The following CLNK variants were observed in gnomAD, a reference collection of about 807,000 sequenced individuals.
CLNK encodes the protein cytokine-dependent hematopoietic cell linker.
Under a neutral mutation model 68.6 loss-of-function variants are expected in CLNK, and 74 were observed. That is an observed-to-expected ratio of 1.08 (90% CI 0.89 to 1.31). The LOEUF (loss-of-function observed/expected upper bound fraction) is 1.31, where lower values mean the gene tolerates loss of function less well. CLNK is among the 50% of genes most tolerant of loss of function. The probability of loss-of-function intolerance (pLI) is 0.00; values close to 1 mark genes in which losing one functional copy is unlikely to be tolerated. For synonymous variants in CLNK, 198 were observed against 172.2 expected (o/e 1.15, Z -1.17); for missense variants, 553 against 515.3 (o/e 1.07, Z -0.71).
intron 1 of CLNK, among the ~76,000 whole-genome samples, chr4:10,683,657 G>C (rs1725170691): frequency 6.6e-6 from 1 of 152,204 alleles, no homozygotes; most frequent in South Asian, 2.1e-4. Context: ...AATGCCAGTT[G>C]CCATTCCTAC....
At chr4:10,703,891 G>A in the CLNK span, among the ~76,000 whole-genome samples, 3 of 152,170 alleles carry the variant, frequency 2.0e-5, no homozygotes, top group Non-Finnish European at 4.4e-5. Context: ...TGTATATGCA[G>A]TCTGTTGTTG....
chr4:10,655,637 A>AT (rs869196104), intron 2 of CLNK, among the ~76,000 whole-genome samples: 2,014 of 74,784 alleles, frequency 0.027, 171 homozygotes, highest in African/African-American at 0.06. Context: ...GATAGATAGC[A>AT]TTTTTTTTTT....
intron 3 of CLNK, among the ~76,000 whole-genome samples, chr4:10,593,469 A>G (rs1317917830): frequency 6.6e-6 from 1 of 152,128 alleles, no homozygotes; most frequent in Non-Finnish European, 1.5e-5. Context: ...AGCCTGGCTA[A>G]TATGGCGAAA....
intron 2 of CLNK, among the ~76,000 whole-genome samples, chr4:10,603,589 A>G (rs1721673475): frequency 2.6e-5 from 4 of 152,198 alleles, no homozygotes; most frequent in Admixed American, 2.6e-4. Context: ...CCTGGCACCA[A>G]CCCCTGTGGA....
chr4:10,733,281 A>G, the CLNK span, among the ~76,000 whole-genome samples: 1 of 150,364 alleles, frequency 6.7e-6, no homozygotes, highest in African/African-American at 2.4e-5. Flanking sequence ...TAGTCACCAA[A>G]CTCTTCAAGT....
intron 3 of CLNK, among the ~76,000 whole-genome samples, chr4:10,588,859 C>G (rs774616023): frequency 6.6e-6 from 1 of 151,670 alleles, no homozygotes; most frequent in Non-Finnish European, 1.5e-5. Context: ...ATTGTATATA[C>G]TACATACAAT....
chr4:10,502,646 T>G (rs538895816), intron 17 of CLNK, among the ~76,000 whole-genome samples: 12 of 152,052 alleles, frequency 7.9e-5, no homozygotes, highest in African/African-American at 2.9e-4. Context: ...AAAAAACTTT[T>G]ACCTAATAAA....
chr4:10,536,848 A>G (rs556112165), intron 11 of CLNK, among the ~76,000 whole-genome samples: 2 of 152,310 alleles, frequency 1.3e-5, no homozygotes, highest in African/African-American at 4.8e-5. Flanking sequence ...AAAGATGTCA[A>G]CACCACCAAG....
intron 1 of CLNK, among the ~76,000 whole-genome samples, chr4:10,678,870 A>T (rs1314235049): frequency 2.0e-5 from 3 of 152,206 alleles, no homozygotes; most frequent in African/African-American, 7.2e-5. Context: ...AAGAGTATAC[A>T]AACAAATGGA....
rs115057997 is a variant in CLNK at position 10,574,061 on chromosome 4, G to T, written c.113-2283C>A. On this transcript the variant is annotated intron_variant, in intron 4 of 18. Coordinates refer to ENST00000226951, the MANE Select transcript of CLNK (RefSeq NM_052964.4). ...TTTTTGTTGTGTGTTCTTTAGGGAA[G>T]GAATTGCCTTTTATCTCTCAGTCTC... is the stretch of plus-strand genomic sequence containing the variant. Among the ~76,000 whole-genome samples the T allele has an allele frequency of 4.7e-3, 715 of 152,318 alleles. 5 individuals carry two copies. The Middle Eastern group carries it at 0.065, about 14-fold the overall frequency.
chr4:10,524,986 A>T (rs1468212613), intron 14 of CLNK, among the ~76,000 whole-genome samples: 1 of 152,158 alleles, frequency 6.6e-6, no homozygotes, highest in Non-Finnish European at 1.5e-5. Flanking sequence ...GCCTTACAGC[A>T]CTAATACTGG....
intron 8 of CLNK, among the ~76,000 whole-genome samples, chr4:10,543,727 C>G (rs6448055): frequency 6.6e-6 from 1 of 152,194 alleles, no homozygotes; most frequent in Non-Finnish European, 1.5e-5. Context: ...AAAACAATTA[C>G]TTCAAAGAAT....
intron 4 of CLNK, among the ~76,000 whole-genome samples, chr4:10,573,973 C>T (rs764203825): frequency 2.0e-5 from 3 of 152,182 alleles, no homozygotes; most frequent in Non-Finnish European, 2.9e-5. Context: ...GAATTGTTAA[C>T]GCATATGTTT....
At chr4:10,577,582 T>G (rs987379407) in intron 4 of CLNK, among the ~76,000 whole-genome samples, 1 of 152,338 alleles carries the variant, frequency 6.6e-6, no homozygotes, top group East Asian at 1.9e-4. Flanking sequence ...CTGAAGTTGT[T>G]ACGCACTTTT....
chr4:10,512,531 A>C (rs1445683208), intron 16 of CLNK, among the ~76,000 whole-genome samples: 1 of 152,066 alleles, frequency 6.6e-6, no homozygotes, highest in African/African-American at 2.4e-5. Flanking sequence ...GTGCCTGGCC[A>C]GGATGTGAAA....
At chr4:10,546,932 T>C (rs6448056) in intron 8 of CLNK, among the ~76,000 whole-genome samples, 151,242 of 152,290 alleles carry the variant, frequency 0.99, 75,112 homozygotes, top group East Asian at 1. Flanking sequence ...GGGGATCAGA[T>C]GGTAAGGCGA....
intron 2 of CLNK, among the ~76,000 whole-genome samples, chr4:10,664,285 A>T (rs1305164351): frequency 2.0e-5 from 3 of 152,118 alleles, no homozygotes; most frequent in African/African-American, 7.2e-5. Flanking sequence ...TTGGGGAAGG[A>T]CACTGAAATT....
chr4:10,608,448 C>G (rs1165580736), intron 2 of CLNK, among the ~76,000 whole-genome samples: 1 of 152,168 alleles, frequency 6.6e-6, no homozygotes, highest in Non-Finnish European at 1.5e-5. Context: ...CCAAATGTGT[C>G]TAGGTGGATG....
chr4:10,614,240 G>A (rs1415803327), intron 2 of CLNK, among the ~76,000 whole-genome samples: 1 of 152,214 alleles, frequency 6.6e-6, no homozygotes, highest in Non-Finnish European at 1.5e-5. Flanking sequence ...TAGACATCTT[G>A]TGTGTATGGT....
Sources: allele counts gnomAD v4.1 joint callset (sites outside exome capture counted in the v4.1 genomes callset), GRCh38; gene constraint gnomAD v4.1.1; transcripts MANE v1.5; gene names NCBI Gene and HGNC (gene_info 2026-07-23, HGNC 2026-07-21).